The following SLC8A1 variants were observed in gnomAD, a reference collection of about 807,000 sequenced individuals.
SLC8A1 encodes solute carrier family 8 member A1.
Under a neutral mutation model 68.3 loss-of-function variants are expected in SLC8A1, and 18 were observed. The observed-to-expected ratio is 0.26, with a 90% CI of 0.18 to 0.39. The LOEUF is 0.39. SLC8A1 is among the 10% of genes least tolerant of loss of function. The probability of loss-of-function intolerance (pLI) is 1.00; values close to 1 mark genes in which losing one functional copy is unlikely to be tolerated. For synonymous variants in SLC8A1, 475 were observed against 415.5 expected (o/e 1.14, Z -1.74); for missense variants, 985 against 1,156.7 (o/e 0.85, Z 2.15).
At chr2:40,405,754 T>C (rs571578429) in intron 2 of SLC8A1, among the ~76,000 whole-genome samples, 1 of 152,308 alleles carries the variant, frequency 6.6e-6, no homozygotes, top group Non-Finnish European at 1.5e-5. Context: ...GCCTTATTTT[T>C]TTCCTTGGCT....
chr2:40,468,297 G>T (rs1703811454), intron 1 of SLC8A1, among the ~76,000 whole-genome samples: 2 of 152,018 alleles, frequency 1.3e-5, no homozygotes, highest in South Asian at 2.1e-4. Flanking sequence ...AATAAGTGGC[G>T]TTTAGTGGTG....
chr2:40,494,045 G>A (rs2149927791), intron 1 of SLC8A1, among the ~76,000 whole-genome samples: 1 of 150,030 alleles, frequency 6.7e-6, no homozygotes, highest in Non-Finnish European at 1.5e-5. Context: ...CTGAAAGTGT[G>A]TGCTTTCTCT....
intron 2 of SLC8A1, among the ~76,000 whole-genome samples, chr2:40,300,009 T>C (rs577091167): frequency 6.6e-6 from 1 of 152,232 alleles, no homozygotes; most frequent in East Asian, 1.9e-4. Context: ...GCACCAATAC[T>C]TCCAAAGTAT....
exon 8 of SLC8A1, chr2:40,099,226 A>T (rs555499487): frequency 2.6e-5 from 4 of 152,058 alleles, no homozygotes; most frequent in Non-Finnish European, 5.9e-5. Flanking sequence ...AATGTGCTGG[A>T]ATCTTTTTCA....
intron 2 of SLC8A1, among the ~76,000 whole-genome samples, chr2:40,371,802 G>C (rs1307911630): frequency 6.6e-6 from 1 of 152,112 alleles, no homozygotes; most frequent in East Asian, 1.9e-4. Context: ...CTGGCAGGCA[G>C]ATTCTGAGGC....
intron 2 of SLC8A1, among the ~76,000 whole-genome samples, chr2:40,318,562 G>C (rs903397547): frequency 6.6e-6 from 1 of 151,938 alleles, no homozygotes; most frequent in Non-Finnish European, 1.5e-5. Context: ...AGAATCACCT[G>C]ACTTCAAATC....
At chr2:40,146,165 C>T (rs1202562599) in intron 6 of SLC8A1, among the ~76,000 whole-genome samples, 3 of 152,190 alleles carry the variant, frequency 2.0e-5, no homozygotes, top group Admixed American at 2.0e-4. Flanking sequence ...TGCCAGTGCA[C>T]AGAAGAAAAT....
At chr2:40,202,582 A>G (rs926264590) in intron 2 of SLC8A1, among the ~76,000 whole-genome samples, 1 of 152,014 alleles carries the variant, frequency 6.6e-6, no homozygotes, top group Non-Finnish European at 1.5e-5. Context: ...CATATATTTT[A>G]TCCTTTTTTT....
At chr2:40,118,220 A>T (rs1374489341) in intron 7 of SLC8A1, 2 of 152,158 alleles carry the variant, frequency 1.3e-5, no homozygotes, top group African/African-American at 2.4e-5. Context: ...AGCAAATGTG[A>T]ATTTTTAAAC....
chr2:40,219,754 A>G (rs1441623639), intron 2 of SLC8A1, among the ~76,000 whole-genome samples: 1 of 152,226 alleles, frequency 6.6e-6, no homozygotes, highest in Non-Finnish European at 1.5e-5. Flanking sequence ...GAAATAGAAA[A>G]GAATCAAATC....
intron 2 of SLC8A1, among the ~76,000 whole-genome samples, chr2:40,394,104 A>G (rs1467425548): frequency 6.6e-6 from 1 of 152,104 alleles, no homozygotes; most frequent in African/African-American, 2.4e-5. Context: ...AGTAGTGCAC[A>G]GGACAGCCCC....
chr2:40,509,722 A>G (rs948067982), intron 1 of SLC8A1, among the ~76,000 whole-genome samples: 5 of 152,074 alleles, frequency 3.3e-5, no homozygotes, highest in Non-Finnish European at 5.9e-5. Flanking sequence ...GCTCCATGCT[A>G]TTTGGAATTA....
intron 2 of SLC8A1, among the ~76,000 whole-genome samples, chr2:40,426,826 T>C (rs1576400331): frequency 6.6e-6 from 1 of 151,914 alleles, no homozygotes; most frequent in Non-Finnish European, 1.5e-5. Context: ...GTTCAATAAT[T>C]GAAATGATTA....
chr2:40,372,386 A>G (rs1470854876), intron 2 of SLC8A1, among the ~76,000 whole-genome samples: 2 of 152,076 alleles, frequency 1.3e-5, no homozygotes, highest in Non-Finnish European at 2.9e-5. Flanking sequence ...TCAACTTTAC[A>G]CAAGTACACG....
chr2:40,382,928 C>T (rs1362939039), intron 2 of SLC8A1, among the ~76,000 whole-genome samples: 10 of 152,020 alleles, frequency 6.6e-5, no homozygotes, highest in Non-Finnish European at 1.5e-4. Context: ...TTCATTAATT[C>T]ATCTGAATAA....
chr2:40,311,261 G>A (rs1177494813), intron 2 of SLC8A1, among the ~76,000 whole-genome samples: 1 of 152,134 alleles, frequency 6.6e-6, no homozygotes, highest in African/African-American at 2.4e-5. Flanking sequence ...TGTAAAATTA[G>A]TAGGTCAAAA....
chr2:40,461,084 C>A (rs903418561), intron 1 of SLC8A1, among the ~76,000 whole-genome samples: 7 of 152,096 alleles, frequency 4.6e-5, no homozygotes, highest in Non-Finnish European at 1.0e-4. Flanking sequence ...AATCCTATTA[C>A]CGCTCAGCTT....
chr2:40,206,315 C>T (rs549497182), intron 2 of SLC8A1, among the ~76,000 whole-genome samples: 2 of 151,994 alleles, frequency 1.3e-5, no homozygotes, highest in African/African-American at 2.4e-5. Flanking sequence ...GTCACTTCAT[C>T]ATCTTGGAAC....
At chr2:40,178,855 C>CTA (rs1424214038) in intron 2 of SLC8A1, among the ~76,000 whole-genome samples, 2 of 152,182 alleles carry the variant, frequency 1.3e-5, no homozygotes, top group Non-Finnish European at 2.9e-5. Flanking sequence ...ATTGTCTAAG[C>CTA]TATGCCCTGG....
Sources: allele counts gnomAD v4.1 joint callset (sites outside exome capture counted in the v4.1 genomes callset), GRCh38; gene constraint gnomAD v4.1.1; transcripts MANE v1.5; gene names NCBI Gene and HGNC (gene_info 2026-07-23, HGNC 2026-07-21).